The following FGD4 variants were observed in gnomAD, a reference collection of about 807,000 sequenced individuals.
The protein encoded by FGD4 is FYVE, RhoGEF and PH domain containing 4.
Under a neutral mutation model 102.0 loss-of-function variants are expected in FGD4, and 42 were observed. That is an observed-to-expected ratio of 0.41 (90% CI 0.32 to 0.53). The LOEUF (loss-of-function observed/expected upper bound fraction) is 0.53. Among genes scored for constraint, FGD4 ranks in the 20% least tolerant of loss-of-function variants. The pLI is 0.21. For synonymous variants in FGD4, 380 were observed against 375.7 expected (o/e 1.01, Z -0.13); for missense variants, 902 against 1,078.2 (o/e 0.84, Z 2.29).
rs1485098618 is a variant in FGD4, at chr12:32,582,235, T to A, written c.779T>A (p.Leu260His). The change falls in exon 4 of 17, where the codon CTT (leucine) becomes CAT (histidine). Residue 260 changes from leucine to histidine, a missense_variant. Transcript: ENST00000534526. Reference protein sequence around the residue: ...DTSIQASEPLLDTHIVNGERD... With the variant: ...DTSIQASEPLHDTHIVNGERD... ...TCTATTCAAGCTTCTGAACCCTTGC[T>A]TGATACGCACATAGTGAATGGAGAA... is the stretch of plus-strand genomic sequence containing the variant. The A allele has an allele frequency of 6.2e-7, 1 of 1,614,254 alleles. No individual in the cohort carries two copies. The highest frequency in any genetic ancestry group is 2.2e-5 in the East Asian group (1 of 44,888).
chr12:32,521,235 A>T (rs776989205), intron 1 of FGD4, among the ~76,000 whole-genome samples: 1 of 151,940 alleles, frequency 6.6e-6, no homozygotes, highest in Non-Finnish European at 1.5e-5. Flanking sequence ...AAAAATACAA[A>T]AATTAGCTGG....
chr12:32,417,955 C>CTTTTT (rs55826183), intron 1 of FGD4, among the ~76,000 whole-genome samples: 1 of 105,170 alleles, frequency 9.5e-6, no homozygotes, highest in African/African-American at 4.1e-5. Flanking sequence ...TGTCTTAGTT[C>CTTTTT]TTTTTTTTTT....
intron 1 of FGD4, among the ~76,000 whole-genome samples, chr12:32,444,720 G>C (rs1942562076): frequency 6.6e-6 from 1 of 152,064 alleles, no homozygotes; most frequent in East Asian, 1.9e-4. Flanking sequence ...AATGATTTTT[G>C]ACAAGAATTT....
chr12:32,530,585 T>TG (rs2136827948), intron 1 of FGD4, among the ~76,000 whole-genome samples: 1 of 152,306 alleles, frequency 6.6e-6, no homozygotes, highest in East Asian at 1.9e-4. Context: ...GTGAAAGGGC[T>TG]GGATGATAGC....
intron 1 of FGD4, among the ~76,000 whole-genome samples, chr12:32,518,205 G>T: frequency 6.6e-6 from 1 of 152,270 alleles, no homozygotes; most frequent in Admixed American, 6.5e-5. Flanking sequence ...TTCTATGAAG[G>T]GTGGTGTGCC....
chr12:32,579,063 T>TTTTTTTA (rs1946380717), intron 3 of FGD4, among the ~76,000 whole-genome samples: 19 of 140,890 alleles, frequency 1.3e-4, no homozygotes, highest in South Asian at 2.2e-4. Flanking sequence ...TTTTTTTTTT[T>TTTTTTTA]GAGACAGAGT....
In FGD4 at chr12:32,493,830, T is replaced by C. The variant is rs1050177964; in HGVS notation, c.167-70307T>C. ...GATACCTTAAACAACAAACAAGCCA[T>C]TGGAATAGATAGAAAGTGACAGAGG... On this transcript the variant is annotated intron_variant, in intron 1 of 16. Transcript: ENST00000534526. Among the ~76,000 whole-genome samples the C allele has an allele frequency of 8.5e-5, 13 of 152,220 alleles. No individual in the cohort carries two copies. In the South Asian group the frequency reaches 1.0e-3, roughly 12 times the overall value.
chr12:32,547,413 C>G (rs1188504465), intron 1 of FGD4, among the ~76,000 whole-genome samples: 1 of 152,158 alleles, frequency 6.6e-6, no homozygotes, highest in Non-Finnish European at 1.5e-5. Flanking sequence ...ATATTCCAGC[C>G]TGTCTGCATG....
rs756201273 is a variant in FGD4, at chr12:32,640,333, A to G, written c.2512A>G (p.Arg838Gly). The G allele has an allele frequency of 4.8e-5, 77 of 1,614,072 alleles. No homozygotes were observed. Among genetic ancestry groups the G allele is most frequent in the South Asian group, 1.1e-4 (10 of 91,090 alleles). The change falls in exon 17 of 17, where the codon AGG (arginine) becomes GGG (glycine). Residue 838 changes from arginine (R) to glycine (G), a missense_variant. Transcript: ENST00000534526. ...LLGYVVDEMP[R>G]SADLPHSFKL... ...GGGCTATGTGGTGGATGAAATGCCA[A>G]GGAGCGCAGACCTGCCACACAGTTT...
chr12:32,526,528 C>T (rs1018906883), intron 1 of FGD4, among the ~76,000 whole-genome samples: 2 of 152,160 alleles, frequency 1.3e-5, no homozygotes, highest in Non-Finnish European at 2.9e-5. Context: ...CACCAATCAG[C>T]GCCCTGACGA....
At chr12:32,410,693 C>T (rs183593876) in intron 1 of FGD4, among the ~76,000 whole-genome samples, 1 of 152,170 alleles carries the variant, frequency 6.6e-6, no homozygotes, top group Admixed American at 6.5e-5. Flanking sequence ...CACATCCGTT[C>T]ATTGGAATTA....
chr12:32,485,436 A>ACTT (rs1555187207), intron 1 of FGD4, among the ~76,000 whole-genome samples: 673 of 114,190 alleles, frequency 5.9e-3, no homozygotes, highest in Non-Finnish European at 8.4e-3. Flanking sequence ...TTTAAGACCA[A>ACTT]TTTTTTTTTT....
chr12:32,508,822 A>G (rs1247708541), intron 1 of FGD4, among the ~76,000 whole-genome samples: 1 of 152,264 alleles, frequency 6.6e-6, no homozygotes, highest in African/African-American at 2.4e-5. Context: ...CAGCAGGTTC[A>G]TGATTTCTGT....
At chr12:32,419,495 A>C (rs1168175942) in intron 1 of FGD4, among the ~76,000 whole-genome samples, 1 of 152,080 alleles carries the variant, frequency 6.6e-6, no homozygotes, top group Non-Finnish European at 1.5e-5. Context: ...AAATGCACAG[A>C]TTTCTCCCCA....
rs1047479842 is a variant in FGD4, at chr12:32,486,217, G to A, written c.167-77920G>A. 6 of 1,389,948 alleles carry A rather than the reference G, an allele frequency of 4.3e-6. No individual in the cohort carries two copies. The Admixed American group carries it at 6.9e-5, about 16-fold the overall frequency. The allele number at this position is 1,389,948 out of a possible 1,614,324, so 86.1% of individuals were successfully genotyped here. A position where few individuals can be genotyped will look rare whatever the true frequency, so the allele number is the denominator to read the frequency against. The stretch of plus-strand genomic sequence containing the variant: ...CATTTGGATTTTTTCACTATGCAAA[G>A]TATACAATAGATGAGGTCACTGGTA... On this transcript the variant is annotated intron_variant, in intron 1 of 16. Transcript: ENST00000534526.
At position 32,640,049 on chromosome 12, in the gene FGD4, A is replaced by C. The variant is rs56352987; in HGVS notation, c.2455-227A>C. Among the ~76,000 whole-genome samples the C allele has an allele frequency of 0.1, 15,915 of 152,104 alleles. 935 individuals carry two copies. The highest frequency in any genetic ancestry group is 0.18 in the Middle Eastern group (54 of 294). ...CAGAGAGGAGGGTGTAGTGTCTCTG[A>C]GTCCTAGCTGATTTGGGTGTCAGCT... is the stretch of plus-strand genomic sequence containing the variant. On this transcript the variant is annotated intron_variant, in intron 16 of 16. Coordinates refer to ENST00000534526, the MANE Select transcript of FGD4 (RefSeq NM_001370298.3).
intron 1 of FGD4, among the ~76,000 whole-genome samples, chr12:32,463,605 T>C (rs1943169664): frequency 6.6e-6 from 1 of 152,236 alleles, no homozygotes; most frequent in Non-Finnish European, 1.5e-5. Context: ...CCTGGGTAAA[T>C]GTCCCTGTTT....
At chr12:32,529,079 C>A (rs1941539868) in intron 1 of FGD4, among the ~76,000 whole-genome samples, 1 of 152,328 alleles carries the variant, frequency 6.6e-6, no homozygotes, top group East Asian at 1.9e-4. Context: ...TTCTATGCCT[C>A]ATTTTATTAA....
intron 1 of FGD4, among the ~76,000 whole-genome samples, chr12:32,551,487 G>C (rs942642991): frequency 6.6e-6 from 1 of 152,118 alleles, no homozygotes; most frequent in Non-Finnish European, 1.5e-5. Context: ...GAAGTACAGG[G>C]AAAGTAAGTC....
Sources: gnomAD v4.1 joint callset for allele counts (sites outside exome capture counted in the v4.1 genomes callset) on GRCh38, gnomAD v4.1.1 for gene constraint, MANE v1.5 for transcripts, NCBI Gene and HGNC (gene_info 2026-07-23, HGNC 2026-07-21) for gene names.